The following ATP2C2 variants were observed in gnomAD, a reference collection of about 807,000 sequenced individuals.
ATP2C2 encodes calcium-transporting ATPase type 2C member 2.
A neutral mutation model predicts 110.8 loss-of-function variants in ATP2C2; 171 were observed. The observed-to-expected ratio is 1.54, with a 90% confidence interval of 1.36 to 1.75. The LOEUF (loss-of-function observed/expected upper bound fraction) is 1.75, where lower values mean the gene tolerates loss of function less well. Among genes scored for constraint, ATP2C2 ranks in the 40% most tolerant of loss-of-function variants. ATP2C2 has a pLI of 0.00. For synonymous variants in ATP2C2, 804 were observed against 508.4 expected, an observed-to-expected ratio of 1.58 and a Z score of -7.82; for missense variants, 1,963 against 1,235.0, an observed-to-expected ratio of 1.59 and a Z score of -8.84.
rs553563874 is a variant in ATP2C2 at position 84,399,334 on chromosome 16, ATTTC to A, written c.210+728_210+731del. On this transcript the variant is annotated intron_variant, in intron 2 of 26. Coordinates refer to ENST00000262429, the MANE Select transcript of ATP2C2 (RefSeq NM_014861.4). Reference sequence around the variant, plus strand: ...TAGTATTTGGAGAGGGGGAGGAAGTATTTCTTCTCTGCCTGCATATTATCCCTAG... The same window carrying A: ...TAGTATTTGGAGAGGGGGAGGAAGTATTCTCTGCCTGCATATTATCCCTAG... 7.0e-4 allele frequency among the ~76,000 whole-genome samples: 106 copies of A among 152,278 alleles called. 1 individual carries two copies. Among genetic ancestry groups the A allele is most frequent in the Admixed American group, 2.2e-3 (33 of 15,296 alleles).
In ATP2C2 at chr16:84,440,938, T is replaced by A; in HGVS notation, c.1291T>A (p.Ser431Thr). 6.2e-7 allele frequency: 1 copy of A among 1,612,728 alleles called. No individual in the cohort carries two copies. Among genetic ancestry groups the A allele is most frequent in the Non-Finnish European group, 8.5e-7 (1 of 1,179,560 alleles). ...AGTCATTAAGGAATTTTCCAATGTC[T>A]CAGTGGGAAAGTTAGTGGAGGTAGG... ...KEVIKEFSNV[S>T]VGKLVEAGCV... The change falls in exon 14 of 27, where the codon TCA (serine) becomes ACA (threonine). Residue 431 changes from serine (S) to threonine (T), a missense_variant. Physicochemically the swap from Ser to Thr is moderately conservative, Grantham distance 58 (BLOSUM62 1). Coordinates refer to ENST00000262429, the MANE Select transcript of ATP2C2 (RefSeq NM_014861.4).
chr16:84,453,087 G>C, intron 18 of ATP2C2, 51 bp from the exon 19 acceptor site: 1 of 1,542,826 alleles, frequency 6.5e-7, no homozygotes, highest in East Asian at 2.4e-5. Flanking sequence ...CGGGAGTGAG[G>C]GGTGGGGACG....
intron 11 of ATP2C2, among the ~76,000 whole-genome samples, chr16:84,434,679 C>T (rs961832921): frequency 4.0e-5 from 6 of 151,724 alleles, no homozygotes; most frequent in African/African-American, 9.7e-5. Context: ...CTACCACACC[C>T]GGCTAATTTT....
At chr16:84,403,667 C>G in intron 2 of ATP2C2, among the ~76,000 whole-genome samples, 1 of 152,168 alleles carries the variant, frequency 6.6e-6, no homozygotes, top group East Asian at 1.9e-4. Context: ...GTTGCACAAC[C>G]ATCGCCATTC....
At chr16:84,446,249 G>T (rs1008688864) in intron 15 of ATP2C2, 80 bp from the exon 16 acceptor site, 38 of 773,616 alleles carry the variant, frequency 4.9e-5, no homozygotes, top group Non-Finnish European at 6.6e-5. Context: ...TTTGAACAAT[G>T]AATAATTTAA....
Position 84,398,483 on chromosome 16 carries a change from C to A in ATP2C2, c.100-16C>A, listed in dbSNP as rs747728338. The A allele has an allele frequency of 2.6e-6, 4 of 1,563,640 alleles. No homozygotes were observed. The highest frequency in any genetic ancestry group is 2.3e-5 in the South Asian group (2 of 87,040). On this transcript the variant is annotated splice_polypyrimidine_tract_variant and intron_variant, in intron 1 of 26. Coordinates refer to ENST00000262429, the MANE Select transcript of ATP2C2 (RefSeq NM_014861.4). ...AAAGTTCAATCCGCTAAACAGCAACCCTGCTCTTTTCACAGATTGATGAAC... is the reference window on the plus strand; with the variant it reads ...AAAGTTCAATCCGCTAAACAGCAACACTGCTCTTTTCACAGATTGATGAAC...
chr16:84,410,214 A>C (rs1906152860), intron 4 of ATP2C2, among the ~76,000 whole-genome samples: 1 of 152,150 alleles, frequency 6.6e-6, no homozygotes, highest in African/African-American at 2.4e-5. Flanking sequence ...TTTCAGAAGA[A>C]AAAAGGCTGG....
At chr16:84,376,826 G>C (rs984330101) in intron 1 of ATP2C2, among the ~76,000 whole-genome samples, 6 of 152,226 alleles carry the variant, frequency 3.9e-5, no homozygotes, top group African/African-American at 1.4e-4. Flanking sequence ...GAAGCCTCAA[G>C]GCCAACACCT....
intron 1 of ATP2C2, among the ~76,000 whole-genome samples, chr16:84,391,826 ACT>A (rs1418546168): frequency 1.3e-5 from 2 of 151,952 alleles, no homozygotes; most frequent in Non-Finnish European, 2.9e-5. Flanking sequence ...GCCATGGGAA[ACT>A]CACACACAAA....
chr16:84,460,579 C>G (rs1186856812), intron 23 of ATP2C2, 75 bp from the exon 24 acceptor site: 3 of 1,605,650 alleles, frequency 1.9e-6, no homozygotes, highest in Middle Eastern at 1.7e-4. Context: ...CTGGGAGGCT[C>G]AGGCACAGCT....
chr16:84,455,320 G>A lies in ATP2C2; in HGVS notation c.2147+336G>A, dbSNP rs377565224. Among the ~76,000 whole-genome samples the A allele has an allele frequency of 3.9e-5, 6 of 152,312 alleles. No individual in the cohort carries two copies. In the East Asian group the frequency reaches 5.8e-4, roughly 15 times the overall value. On this transcript the variant is annotated intron_variant, in intron 21 of 26. Coordinates refer to ENST00000262429, the MANE Select transcript of ATP2C2 (RefSeq NM_014861.4). ...TGGCTCAGGCTGGTGGGCAGCAGCT[G>A]AATATGTAAGGAAAACCTGTGGCCA... is the stretch of plus-strand genomic sequence containing the variant.
At position 84,375,101 on chromosome 16, in the gene ATP2C2, T is replaced by C. The variant is rs138322090; in HGVS notation, c.99+6387T>C. On this transcript the variant is annotated intron_variant, in intron 1 of 26. Coordinates refer to ENST00000262429, the MANE Select transcript of ATP2C2 (RefSeq NM_014861.4). The stretch of plus-strand genomic sequence containing the variant: ...AACATGAAATGAGATATTCAAAATA[T>C]TAAAAAATGGCCATGAGTAGAGGTT... Among the ~76,000 whole-genome samples, 1,002 of 152,246 alleles carry C rather than the reference T, an allele frequency of 6.6e-3. 8 individuals are homozygous for C. Among genetic ancestry groups the C allele is most frequent in the South Asian group, 0.013 (62 of 4,818 alleles).
intron 7 of ATP2C2, among the ~76,000 whole-genome samples, chr16:84,420,470 T>G (rs555256645): frequency 7.2e-6 from 1 of 139,382 alleles, no homozygotes; most frequent in African/African-American, 2.9e-5. Context: ...CTCCCTTTCT[T>G]TCTTTTTTTT....
chr16:84,428,470 G>C (rs1907980849), intron 11 of ATP2C2, among the ~76,000 whole-genome samples: 1 of 152,190 alleles, frequency 6.6e-6, no homozygotes, highest in African/African-American at 2.4e-5. Flanking sequence ...TGGAAATACT[G>C]TGTCTGGCTT....
intron 2 of ATP2C2, among the ~76,000 whole-genome samples, chr16:84,400,196 T>A (rs113567830): frequency 8.1e-4 from 123 of 152,346 alleles, no homozygotes; most frequent in Middle Eastern, 3.4e-3. Context: ...CTTCCAAACC[T>A]TGGCTATTGT....
chr16:84,446,579 T>C (rs1597854371), intron 16 of ATP2C2, 149 bp downstream of exon 16: 3 of 516,546 alleles, frequency 5.8e-6, no homozygotes, highest in South Asian at 4.0e-5. Context: ...ATCACCATCA[T>C]ACCTTTGATT....
intron 24 of ATP2C2, 74 bp downstream of exon 24, chr16:84,460,875 C>G (rs1386264195): frequency 7.3e-6 from 11 of 1,504,478 alleles, no homozygotes; most frequent in Middle Eastern, 1.9e-4. Flanking sequence ...AGTCCCTGCC[C>G]TCCTGCCACA....
intron 11 of ATP2C2, among the ~76,000 whole-genome samples, chr16:84,434,690 T>G (rs1908587079): frequency 6.6e-6 from 1 of 151,536 alleles, no homozygotes; most frequent in African/African-American, 2.4e-5. Flanking sequence ...GGCTAATTTT[T>G]GTATTTTGGT....
chr16:84,436,257 C>G (rs34210843), intron 11 of ATP2C2, among the ~76,000 whole-genome samples: 13,751 of 152,260 alleles, frequency 0.09, 732 homozygotes, highest in South Asian at 0.21. Flanking sequence ...ACTGGATTTC[C>G]AGCTTCTCTT....
Sources: allele counts gnomAD v4.1 joint callset (sites outside exome capture counted in the v4.1 genomes callset), GRCh38; gene constraint gnomAD v4.1.1; transcripts MANE v1.5; gene names NCBI Gene and HGNC (gene_info 2026-07-23, HGNC 2026-07-21).